Variants in PTGFRN observed in about 807,000 individuals in gnomAD.
PTGFRN encodes the protein prostaglandin F2 receptor negative regulator.
Under a neutral mutation model 83.2 loss-of-function variants are expected in PTGFRN, and 35 were observed. The observed-to-expected ratio is 0.42, with a 90% CI of 0.32 to 0.56. PTGFRN has a LOEUF of 0.56. Ranked by LOEUF, PTGFRN falls within the 20% of genes least tolerant of loss-of-function variation. The pLI is 0.11. For missense variants in PTGFRN, 1,051 were observed against 1,179.5 expected (o/e 0.89, Z 1.60); for synonymous variants, 519 against 498.6 (o/e 1.04, Z -0.55).
chr1:116,953,807 G>T (rs959210297), intron 4 of PTGFRN, among the ~76,000 whole-genome samples: 4 of 151,462 alleles, frequency 2.6e-5, no homozygotes, highest in African/African-American at 4.9e-5. Context: ...TTCCTTCTCT[G>T]GGAGGAGCAA....
In PTGFRN at chr1:116,974,292, C is replaced by T. The variant is rs769186484; in HGVS notation, c.2136C>T (p.Ile712=). 6.2e-7 allele frequency: 1 copy of T among 1,612,570 alleles called. No homozygotes were observed. The highest frequency in any genetic ancestry group is 1.1e-5 in the South Asian group (1 of 91,022). ...GAGATCTGATCAAATTGTTCTGTAT[C>T]ATCACTGTCGAGGGAGCAGCACTGG... is the stretch of plus-strand genomic sequence containing the variant. The part of the protein sequence containing the change: ...IRGDLIKLFC[I]ITVEGAALDP... The change falls in exon 7 of 9, where the codon ATC becomes ATT. Residue 712 remains isoleucine (I), a synonymous_variant. Coordinates refer to ENST00000393203, the MANE Select transcript of PTGFRN (RefSeq NM_020440.4).
chr1:116,932,508 T>C (rs1204248503), intron 1 of PTGFRN, among the ~76,000 whole-genome samples: 1 of 152,256 alleles, frequency 6.6e-6, no homozygotes, highest in Non-Finnish European at 1.5e-5. Context: ...AATAAAGTTC[T>C]CTGCACCATT....
intron 7 of PTGFRN, 49 bp from the exon 8 acceptor site, chr1:116,984,631 A>G (rs1651408993): frequency 6.4e-7 from 1 of 1,567,028 alleles, no homozygotes; most frequent in African/African-American, 1.4e-5. Context: ...CATACATATG[A>G]CTTCTGCCCA....
chr1:116,961,358 C>A lies in PTGFRN; in HGVS notation c.1329C>A (p.Phe443Leu). ...DTKSGEANVRFTVSWYYRMNR... is the reference protein window; with the variant it reads ...DTKSGEANVRLTVSWYYRMNR... The stretch of plus-strand genomic sequence containing the variant: ...AGAGTGGGGAGGCGAATGTCCGATT[C>A]ACGGTTTCGTGGTACTACAGGATGA... Residue 443 changes from phenylalanine to leucine, a missense_variant, in exon 5 of 9, where the codon TTC (phenylalanine) becomes TTA (leucine). Around this residue, in one of 3 missense-constraint regions of PTGFRN, gnomAD observed 719 missense variants for 836.6 expected, o/e 0.86. Transcript: ENST00000393203. This position sits in a 1 kb window ranked among gnomAD's most constrained non-coding sequence, Gnocchi z 5.4. 1 of 1,596,114 alleles carries A rather than the reference C, an allele frequency of 6.3e-7. No individual in the cohort carries two copies. Among genetic ancestry groups the A allele is most frequent in the Non-Finnish European group, 8.6e-7 (1 of 1,168,566 alleles).
chr1:116,917,890 C>T (rs1356393536), intron 1 of PTGFRN, among the ~76,000 whole-genome samples: 3 of 152,160 alleles, frequency 2.0e-5, no homozygotes, highest in Non-Finnish European at 2.9e-5. Flanking sequence ...CCCAAAATAT[C>T]GTTAGCCACT....
intron 1 of PTGFRN, among the ~76,000 whole-genome samples, chr1:116,928,074 C>A (rs959135182): frequency 3.3e-5 from 5 of 152,190 alleles, no homozygotes; most frequent in East Asian, 1.9e-4. Context: ...CTTCTTACCC[C>A]CTGTGGCCTG....
intron 1 of PTGFRN, among the ~76,000 whole-genome samples, chr1:116,921,870 A>G (rs572075661): frequency 1.3e-5 from 2 of 152,238 alleles, no homozygotes; most frequent in East Asian, 3.9e-4. Context: ...AGTTCCATGG[A>G]GCAGGTGGGG....
chr1:116,954,164 G>A (rs1197923361), intron 4 of PTGFRN, among the ~76,000 whole-genome samples: 1 of 152,012 alleles, frequency 6.6e-6, no homozygotes, highest in Non-Finnish European at 1.5e-5. Context: ...GGCCCTTCAT[G>A]AGTATTTCTT....
At chr1:116,954,938 A>G (rs1336396111) in intron 4 of PTGFRN, among the ~76,000 whole-genome samples, 1 of 152,266 alleles carries the variant, frequency 6.6e-6, no homozygotes, top group Non-Finnish European at 1.5e-5. Flanking sequence ...CTCGTTGTTT[A>G]GCATTATTAT....
At position 116,961,266 on chromosome 1, in the gene PTGFRN, A is replaced by C. The variant is rs746607951; in HGVS notation, c.1237A>C (p.Asn413His). 1 of 1,518,148 alleles carries C rather than the reference A, an allele frequency of 6.6e-7. No homozygotes were observed. Among genetic ancestry groups the C allele is most frequent in the East Asian group, 2.3e-5 (1 of 44,046 alleles). The allele number at this position is 1,518,148 out of a possible 1,614,324, so 94.0% of individuals were successfully genotyped here. A position where few individuals can be genotyped will look rare whatever the true frequency, so the allele number is the denominator to read the frequency against. Reference sequence around the variant, plus strand: ...AGAACCAGACTACCAGGTGTACCTGAATGCTTCCAAGGTCCCCGGGTTTGC... The same window carrying C: ...AGAACCAGACTACCAGGTGTACCTGCATGCTTCCAAGGTCCCCGGGTTTGC... ...WLEPDYQVYL[N>H]ASKVPGFADD... Residue 413 changes from asparagine to histidine, a missense_variant, in exon 5 of 9, where the codon AAT (asparagine) becomes CAT (histidine). Coordinates refer to ENST00000393203, the MANE Select transcript of PTGFRN (RefSeq NM_020440.4). This position sits in a 1 kb window ranked among gnomAD's most constrained non-coding sequence, Gnocchi z 5.4.
Position 116,949,419 on chromosome 1 carries a change from C to A in PTGFRN, c.1060C>A (p.Arg354Ser), listed in dbSNP as rs764413521. 2 of 1,614,234 alleles carry A rather than the reference C, an allele frequency of 1.2e-6. No individual in the cohort carries two copies. The highest frequency in any genetic ancestry group is 1.6e-4 in the Middle Eastern group (1 of 6,062). ...TGTTGCTTTGAGTCATGTGGATGCA[C>A]GCTCCTACCATTTACTGGTTCGGGA... ...PHVALSHVDA[R>S]SYHLLVRDVS... The change falls in exon 4 of 9, where the codon CGC becomes AGC. Residue 354 changes from arginine (R) to serine (S), a missense_variant. Physicochemically the swap from Arg to Ser is moderately radical, Grantham distance 110. Coordinates refer to ENST00000393203, the MANE Select transcript of PTGFRN (RefSeq NM_020440.4).
rs768352472 is a variant in PTGFRN at position 116,941,231 on chromosome 1, G to C, written c.50-484G>C. 1.3e-5 allele frequency among the ~76,000 whole-genome samples: 2 copies of C among 152,142 alleles called. No individual in the cohort carries two copies. The highest frequency in any genetic ancestry group is 2.9e-5 in the Non-Finnish European group (2 of 68,024). ...AGGAGTTAAATCATTTTATCAGCAG[G>C]CTGCTCTAGGATTTAAAAATTGGCA... On this transcript the variant is annotated intron_variant, in intron 1 of 8. Coordinates refer to ENST00000393203, the MANE Select transcript of PTGFRN (RefSeq NM_020440.4). This position sits in a 1 kb window ranked among gnomAD's most constrained non-coding sequence, Gnocchi z 5.0.
At chr1:116,943,310 T>C (rs1269283563) in intron 2 of PTGFRN, among the ~76,000 whole-genome samples, 1 of 152,238 alleles carries the variant, frequency 6.6e-6, no homozygotes, top group Non-Finnish European at 1.5e-5. Context: ...ACTCTTGTAT[T>C]GGAGCTAAAT....
intron 7 of PTGFRN, among the ~76,000 whole-genome samples, chr1:116,981,979 A>G (rs1252366414): frequency 1.3e-5 from 2 of 152,188 alleles, no homozygotes; most frequent in Non-Finnish European, 2.9e-5. Context: ...TCCCACCCAC[A>G]TCCATGGAGT....
At chr1:116,949,018 G>T (rs953021229) in intron 3 of PTGFRN, among the ~76,000 whole-genome samples, 174 bp from the exon 4 acceptor site, 1 of 152,176 alleles carries the variant, frequency 6.6e-6, no homozygotes, top group Non-Finnish European at 1.5e-5. Context: ...AAGAAATGTG[G>T]TATGTTCTGT....
At position 116,941,918 on chromosome 1, in the gene PTGFRN, G is replaced by A. The variant is rs757446946; in HGVS notation, c.253G>A (p.Glu85Lys). The stretch of plus-strand genomic sequence containing the variant: ...GGGGTTCCCAGCCCAGCTGTACCAG[G>A]AGCGGCTGCAGAGGGGCGAGATCCT... ...EVGFPAQLYQ[E>K]RLQRGEILLR... Residue 85 changes from glutamate to lysine, a missense_variant, in exon 2 of 9, where the codon GAG (glutamate) becomes AAG (lysine). Physicochemically the swap from Glu to Lys is moderately conservative, Grantham distance 56. Transcript: ENST00000393203. This position sits in a 1 kb window ranked among gnomAD's most constrained non-coding sequence, Gnocchi z 5.0. The A allele has an allele frequency of 1.9e-6, 3 of 1,614,174 alleles. No individual in the cohort carries two copies. Among genetic ancestry groups the A allele is most frequent in the South Asian group, 2.2e-5 (2 of 91,082 alleles).
rs1650663897 is a variant in PTGFRN at position 116,961,523 on chromosome 1, C to T, written c.1494C>T (p.Phe498=). 3 of 1,614,010 alleles carry T rather than the reference C, an allele frequency of 1.9e-6. No individual in the cohort carries two copies. The African/African-American group carries it at 4.0e-5, about 22-fold the overall frequency. The change falls in exon 5 of 9, where the codon TTC becomes TTT. Residue 498 remains phenylalanine, a synonymous_variant. Transcript: ENST00000393203. This position sits in a 1 kb window ranked among gnomAD's most constrained non-coding sequence, Gnocchi z 5.4. Reference sequence around the variant, plus strand: ...TTTCTAAGGAACATACAGACACGTTCAATTTCCGGATCCAAAGGACTACAG... The same window carrying T: ...TTTCTAAGGAACATACAGACACGTTTAATTTCCGGATCCAAAGGACTACAG... ...FIFSKEHTDT[F]NFRIQRTTEE...
intron 6 of PTGFRN, 53 bp downstream of exon 6, chr1:116,967,383 T>C (rs1453627665): frequency 6.5e-7 from 1 of 1,526,922 alleles, no homozygotes; most frequent in African/African-American, 1.4e-5. Flanking sequence ...GACCCTAGGG[T>C]TTTGATCAGA....
At chr1:116,959,097 G>A (rs1215674954) in intron 4 of PTGFRN, among the ~76,000 whole-genome samples, 1 of 152,240 alleles carries the variant, frequency 6.6e-6, no homozygotes, top group Non-Finnish European at 1.5e-5. Flanking sequence ...TAGATGTGGA[G>A]TAATTTGAGC....
Sources: allele counts gnomAD v4.1 joint callset (sites outside exome capture counted in the v4.1 genomes callset), GRCh38; gene constraint gnomAD v4.1.1; regional missense constraint gnomAD v4.1.1; non-coding constraint Gnocchi (gnomAD v3.1); transcripts MANE v1.5; gene names NCBI Gene and HGNC (gene_info 2026-07-23, HGNC 2026-07-21).